DLAT: variants seen among roughly 807,000 people sequenced by gnomAD.
DLAT encodes dihydrolipoamide S-acetyltransferase.
A neutral mutation model predicts 68.0 loss-of-function variants in DLAT; 43 were observed. The observed-to-expected ratio is 0.63, with a 90% CI of 0.50 to 0.81. The LOEUF is 0.81. DLAT is among the 40% of genes least tolerant of loss of function. The pLI is 0.00. For missense variants in DLAT, 745 were observed against 815.4 expected (o/e 0.91, Z 1.05); for synonymous variants, 265 against 288.6 (o/e 0.92, Z 0.83).
intron 11 of DLAT, among the ~76,000 whole-genome samples, chr11:112,056,310 C>G (rs1040983817): frequency 1.3e-5 from 2 of 152,144 alleles, no homozygotes; most frequent in African/African-American, 4.8e-5. Context: ...TTTCATCACC[C>G]CCAAAAGATC....
intron 3 of DLAT, 72 bp downstream of exon 3, chr11:112,028,711 G>C (rs1056433614): frequency 1.9e-6 from 3 of 1,613,816 alleles, no homozygotes; most frequent in Non-Finnish European, 2.5e-6. Flanking sequence ...TGAGAATTAG[G>C]AGTTAAAGAC....
chr11:112,053,274 AT>A, intron 11 of DLAT, among the ~76,000 whole-genome samples: 1 of 152,112 alleles, frequency 6.6e-6, no homozygotes, highest in East Asian at 1.9e-4. Flanking sequence ...GTGAACTGAG[AT>A]TGTGCCATTG....
At chr11:112,062,257 A>G (rs1221319045) in intron 13 of DLAT, 149 bp from the exon 14 acceptor site, 2 of 818,374 alleles carry the variant, frequency 2.4e-6, no homozygotes, top group East Asian at 2.6e-5. Context: ...CAAGCTATAA[A>G]TTTGAGCTAA....
chr11:112,045,039 G>GTC, intron 8 of DLAT, 99 bp from the exon 9 acceptor site: 1 of 625,098 alleles, frequency 1.6e-6, no homozygotes, highest in Non-Finnish European at 2.6e-6. Flanking sequence ...TGTCTCAAAA[G>GTC]ACAAAAAAAA....
intron 11 of DLAT, among the ~76,000 whole-genome samples, chr11:112,058,635 G>A (rs1441461259): frequency 1.4e-3 from 173 of 122,224 alleles, no homozygotes; most frequent in African/African-American, 5.0e-3. Flanking sequence ...TGGGGGGGGG[G>A]AATCACCTTT....
chr11:112,049,223 A>C (rs1173162454), intron 10 of DLAT, among the ~76,000 whole-genome samples: 3 of 152,132 alleles, frequency 2.0e-5, no homozygotes, highest in Non-Finnish European at 4.4e-5. Flanking sequence ...GTCCCTTGCA[A>C]TTCTAAGTGA....
intron 4 of DLAT, among the ~76,000 whole-genome samples, chr11:112,031,991 A>G (rs1192665107): frequency 8.0e-6 from 1 of 125,146 alleles, no homozygotes; most frequent in Non-Finnish European, 1.6e-5. Context: ...TGCGATTCTC[A>G]TGCCTCAGCC....
At chr11:112,041,733 T>A (rs1863061513) in intron 7 of DLAT, among the ~76,000 whole-genome samples, 1 of 152,016 alleles carries the variant, frequency 6.6e-6, no homozygotes, top group African/African-American at 2.4e-5. Context: ...TACAAAAAAA[T>A]TAGCTGGGCA....
chr11:112,064,014 T>C lies in DLAT; in HGVS notation c.*1479T>C. The C allele has an allele frequency of 3.1e-6, 2 of 655,432 alleles. No homozygotes were observed. The highest frequency in any genetic ancestry group is 5.0e-6 in the Non-Finnish European group (2 of 402,556). The allele number at this position is 655,432 out of a possible 1,614,324, so 40.6% of individuals were successfully genotyped here. A position where few individuals can be genotyped will look rare whatever the true frequency, so the allele number is the denominator to read the frequency against. ...TGGTACACAAGTGACACTCCATATA[T>C]TCCACACAGACTTTTACCTTGCTGT... On this transcript the variant is annotated 3_prime_UTR_variant, in exon 14 of 14. Coordinates refer to ENST00000280346, the MANE Select transcript of DLAT (RefSeq NM_001931.5).
In DLAT at chr11:112,031,958, C is replaced by T. The variant is rs138462132; in HGVS notation, c.661-1446C>T. Reference sequence around the variant, plus strand: ...TCACCATGGCTGGAGTGTAGTGGCACGATCTTGGCTCACGGCAACCTCTGC... The same window carrying T: ...TCACCATGGCTGGAGTGTAGTGGCATGATCTTGGCTCACGGCAACCTCTGC... On this transcript the variant is annotated intron_variant, in intron 4 of 13. Transcript: ENST00000280346. Among the ~76,000 whole-genome samples, 519 of 117,504 alleles carry T rather than the reference C, an allele frequency of 4.4e-3. 2 individuals are homozygous for T. Among genetic ancestry groups the T allele is most frequent in the Middle Eastern group, 0.01 (1 of 100 alleles). 77.1% of individuals were successfully genotyped at this position (117,504 alleles called of 152,430 possible).
chr11:112,025,484 C>T lies in DLAT; in HGVS notation c.12C>T (p.Val4=), dbSNP rs1555179079. The T allele has an allele frequency of 6.2e-7, 1 of 1,613,212 alleles. No individual in the cohort carries two copies. The highest frequency in any genetic ancestry group is 8.5e-7 in the Non-Finnish European group (1 of 1,179,860). The change falls in exon 1 of 14, where the codon GTC becomes GTT. Residue 4 remains valine, a synonymous_variant. Transcript: ENST00000280346. MWR[V]CARRAQNVAP... The stretch of plus-strand genomic sequence containing the variant: ...GGGTTGGTGGCACTATGTGGCGCGT[C>T]TGTGCGCGACGGGCTCAGAATGTAG...
chr11:112,033,186 G>A (rs186638017), intron 4 of DLAT, among the ~76,000 whole-genome samples: 1 of 152,348 alleles, frequency 6.6e-6, no homozygotes, highest in East Asian at 1.9e-4. Context: ...TGGAGTGTGT[G>A]TTAGAGTGTG....
chr11:112,038,778 G>A (rs868925934), intron 6 of DLAT, among the ~76,000 whole-genome samples: 14 of 151,596 alleles, frequency 9.2e-5, no homozygotes, highest in South Asian at 4.2e-4. Context: ...CCCAGGAGGC[G>A]GAGGTTGCAG....
At chr11:112,058,706 G>A (rs1864305267) in intron 11 of DLAT, among the ~76,000 whole-genome samples, 2 of 150,176 alleles carry the variant, frequency 1.3e-5, no homozygotes, top group South Asian at 4.2e-4. Flanking sequence ...CAGATCAAAT[G>A]TTAACAGTAC....
At position 112,037,308 on chromosome 11, in the gene DLAT, A is replaced by G. The variant is rs1386686399; in HGVS notation, c.823A>G (p.Ile275Val). The G allele has an allele frequency of 1.9e-6, 3 of 1,614,068 alleles. No individual in the cohort carries two copies. Among genetic ancestry groups the G allele is most frequent in the Non-Finnish European group, 2.5e-6 (3 of 1,180,034 alleles). The change falls in exon 6 of 14, where the codon ATC becomes GTC. Residue 275 changes from isoleucine (I) to valine (V), a missense_variant. By Grantham distance (29) the Ile-to-Val change is conservative (BLOSUM62 3). Transcript: ENST00000280346. Reference sequence around the variant, plus strand: ...ACAGGAAGAAGGTTATCTGGCAAAAATCCTGGTCCCTGAAGGCACAAGAGA... The same window carrying G: ...ACAGGAAGAAGGTTATCTGGCAAAAGTCCTGGTCCCTGAAGGCACAAGAGA... Reference protein sequence around the residue: ...EVQEEGYLAKILVPEGTRDVP... With the variant: ...EVQEEGYLAKVLVPEGTRDVP...
chr11:112,058,792 G>T (rs1490586622), intron 11 of DLAT, among the ~76,000 whole-genome samples: 1 of 151,640 alleles, frequency 6.6e-6, no homozygotes. Context: ...ATGTTATTTT[G>T]TTCATCCCTG....
At chr11:112,044,862 G>A (rs587716612) in intron 8 of DLAT, among the ~76,000 whole-genome samples, 7 of 152,078 alleles carry the variant, frequency 4.6e-5, no homozygotes, top group African/African-American at 9.6e-5. Context: ...GCTAATTTCC[G>A]TCTCTACTAG....
Position 112,028,651 on chromosome 11 carries a change from G to A in DLAT, c.506+12G>A, listed in dbSNP as rs372355218. The A allele has an allele frequency of 4.6e-5, 75 of 1,613,998 alleles. No homozygotes were observed. Among genetic ancestry groups the A allele is most frequent in the African/African-American group, 1.2e-4 (9 of 74,898 alleles). On this transcript the variant is annotated intron_variant, in intron 3 of 13. Coordinates refer to ENST00000280346, the MANE Select transcript of DLAT (RefSeq NM_001931.5). ...ATCACAGTTGGCAAGTGAGTAGTGC[G>A]CTCATAATTTGTGGAACTTCATTGC...
In DLAT at chr11:112,030,959, A is replaced by G. The variant is rs117044613; in HGVS notation, c.660+2014A>G. 5.2e-3 allele frequency among the ~76,000 whole-genome samples: 799 copies of G among 152,316 alleles called. 13 individuals carry two copies. The highest frequency in any genetic ancestry group is 0.036 in the East Asian group (189 of 5,194). On this transcript the variant is annotated intron_variant, in intron 4 of 13. Coordinates refer to ENST00000280346, the MANE Select transcript of DLAT (RefSeq NM_001931.5). Reference sequence around the variant, plus strand: ...AATTCTATCTCATGATGTAAGACTGACTTAATTTTCCTCTACTTTGTGTCT... The same window carrying G: ...AATTCTATCTCATGATGTAAGACTGGCTTAATTTTCCTCTACTTTGTGTCT...
Sources: allele counts gnomAD v4.1 joint callset (sites outside exome capture counted in the v4.1 genomes callset), GRCh38; gene constraint gnomAD v4.1.1; transcripts MANE v1.5; gene names NCBI Gene and HGNC (gene_info 2026-07-23, HGNC 2026-07-21).